IMMP2L: variants seen among roughly 807,000 people sequenced by gnomAD.
The protein encoded by IMMP2L is mitochondrial inner membrane protease subunit 2.
Under a neutral mutation model 19.3 loss-of-function variants are expected in IMMP2L, and 18 were observed. The ratio of observed to expected loss-of-function variants is 0.93; its 90% CI spans 0.64 to 1.38. The LOEUF (loss-of-function observed/expected upper bound fraction) is 1.38. Among genes scored for constraint, IMMP2L ranks in the 40% most tolerant of loss-of-function variants. The pLI is 0.00. For missense variants in IMMP2L, 233 were observed against 218.2 expected (o/e 1.07, Z -0.43); for synonymous variants, 76 against 73.0 (o/e 1.04, Z -0.21).
chr7:111,428,304 T>C (rs545971853), intron 3 of IMMP2L, among the ~76,000 whole-genome samples: 1 of 151,780 alleles, frequency 6.6e-6, no homozygotes, highest in Non-Finnish European at 1.5e-5. Flanking sequence ...ACTAAAGCAG[T>C]AGAAAAATGA....
intron 2 of IMMP2L, among the ~76,000 whole-genome samples, chr7:111,520,739 A>G (rs1337518230): frequency 6.6e-6 from 1 of 152,152 alleles, no homozygotes; most frequent in Non-Finnish European, 1.5e-5. Context: ...CAACTTTAGG[A>G]CAACATAATT....
At chr7:111,500,144 T>C (rs1228336781) in intron 2 of IMMP2L, among the ~76,000 whole-genome samples, 2 of 152,056 alleles carry the variant, frequency 1.3e-5, no homozygotes, top group African/African-American at 4.8e-5. Context: ...AAAAACGGCA[T>C]ACCAGGAGAT....
intron 3 of IMMP2L, among the ~76,000 whole-genome samples, chr7:111,148,021 AC>A (rs1803667669): frequency 6.6e-6 from 1 of 152,088 alleles, no homozygotes; most frequent in Non-Finnish European, 1.5e-5. Flanking sequence ...CCCCAAGAGT[AC>A]CGAAAACATA....
chr7:111,439,442 C>T (rs562916885), intron 3 of IMMP2L, among the ~76,000 whole-genome samples: 6 of 151,972 alleles, frequency 3.9e-5, no homozygotes, highest in Admixed American at 2.0e-4. Context: ...TTCCAGATCA[C>T]CTCAATAAAG....
intron 3 of IMMP2L, among the ~76,000 whole-genome samples, chr7:111,269,063 C>A (rs1818164516): frequency 6.6e-6 from 1 of 152,166 alleles, no homozygotes; most frequent in Admixed American, 6.6e-5. Flanking sequence ...AGGGCTCAGG[C>A]TCTGCCTATG....
intron 5 of IMMP2L, among the ~76,000 whole-genome samples, chr7:110,712,914 C>G (rs1584579195): frequency 1.4e-5 from 2 of 143,010 alleles, no homozygotes; most frequent in South Asian, 2.3e-4. Flanking sequence ...CTGTCTGGCA[C>G]TCCCTGGTGA....
chr7:110,846,069 G>T (rs772477629), intron 5 of IMMP2L, among the ~76,000 whole-genome samples: 1 of 152,122 alleles, frequency 6.6e-6, no homozygotes, highest in Non-Finnish European at 1.5e-5. Context: ...AGCCCAAATG[G>T]ACTGAGACAC....
At chr7:110,994,686 T>C (rs1204215202) in intron 3 of IMMP2L, among the ~76,000 whole-genome samples, 1 of 152,142 alleles carries the variant, frequency 6.6e-6, no homozygotes. Context: ...GTGAGAGAAA[T>C]ACATTTTTAC....
At chr7:110,779,843 T>G (rs192216864) in intron 5 of IMMP2L, among the ~76,000 whole-genome samples, 83 of 151,846 alleles carry the variant, frequency 5.5e-4, no homozygotes, top group African/African-American at 1.9e-3. Context: ...ATTGTAATAG[T>G]AAGGAAAATA....
At chr7:110,712,061 G>C (rs1181017125) in intron 5 of IMMP2L, among the ~76,000 whole-genome samples, 1 of 43,256 alleles carries the variant, frequency 2.3e-5, no homozygotes, top group South Asian at 8.4e-4. Flanking sequence ...GAGGAACTGC[G>C]TTCCTTTGGA....
At chr7:110,905,158 C>T (rs1053799294) in intron 4 of IMMP2L, among the ~76,000 whole-genome samples, 1 of 151,988 alleles carries the variant, frequency 6.6e-6, no homozygotes, top group African/African-American at 2.4e-5. Context: ...TCAACCTGAC[C>T]ATAATATGTA....
At chr7:110,962,675 A>G (rs1014621674) in intron 4 of IMMP2L, 1 of 980,698 alleles carries the variant, frequency 1.0e-6, no homozygotes. Flanking sequence ...TCCTCTGGCC[A>G]TGCTGTGAGA....
chr7:111,132,745 A>C (rs2129594503), intron 3 of IMMP2L, among the ~76,000 whole-genome samples: 1 of 152,156 alleles, frequency 6.6e-6, no homozygotes, highest in Admixed American at 6.5e-5. Flanking sequence ...AGTTTAAATA[A>C]AAACTGGACA....
At chr7:110,934,498 G>T (rs368357015) in intron 4 of IMMP2L, among the ~76,000 whole-genome samples, 1 of 152,082 alleles carries the variant, frequency 6.6e-6, no homozygotes, top group Admixed American at 6.6e-5. Flanking sequence ...TAACTTTTTA[G>T]AAGGCTGGAT....
At chr7:111,549,233 T>C (rs1849220900) in intron 1 of IMMP2L, among the ~76,000 whole-genome samples, 1 of 152,176 alleles carries the variant, frequency 6.6e-6, no homozygotes, top group African/African-American at 2.4e-5. Context: ...CAAGTCTGAC[T>C]CATTAACCGA....
chr7:110,769,348 T>C (rs950594089), intron 5 of IMMP2L, among the ~76,000 whole-genome samples: 11 of 152,194 alleles, frequency 7.2e-5, no homozygotes, highest in Admixed American at 3.3e-4. Context: ...AGAACACACA[T>C]GCTGCTGCTT....
At chr7:111,228,775 T>A (rs1813386130) in intron 3 of IMMP2L, among the ~76,000 whole-genome samples, 1 of 152,084 alleles carries the variant, frequency 6.6e-6, no homozygotes, top group South Asian at 2.1e-4. Flanking sequence ...GCATATCCTA[T>A]GGCTATCCAT....
At chr7:110,887,136 C>T (rs181228727) in intron 4 of IMMP2L, among the ~76,000 whole-genome samples, 1 of 152,088 alleles carries the variant, frequency 6.6e-6, no homozygotes, top group African/African-American at 2.4e-5. Flanking sequence ...CAATAGACAA[C>T]ACTTTTCATA....
intron 3 of IMMP2L, among the ~76,000 whole-genome samples, chr7:111,072,817 C>G (rs560938422): frequency 1.3e-5 from 2 of 151,818 alleles, no homozygotes; most frequent in Non-Finnish European, 2.9e-5. Flanking sequence ...ATAGTGTGAA[C>G]CCAGGAGGCG....
Sources: allele counts gnomAD v4.1 joint callset (sites outside exome capture counted in the v4.1 genomes callset), GRCh38; gene constraint gnomAD v4.1.1; transcripts MANE v1.5; gene names NCBI Gene and HGNC (gene_info 2026-07-23, HGNC 2026-07-21).